The following GALNT3 variants were observed in gnomAD, a reference collection of about 807,000 sequenced individuals.
GALNT3 encodes polypeptide N-acetylgalactosaminyltransferase 3, also known as GalNAc transferase 3.
A neutral mutation model predicts 69.8 loss-of-function variants in GALNT3; 51 were observed. The ratio of observed to expected loss-of-function variants is 0.73; its 90% confidence interval spans 0.58 to 0.92. GALNT3 has a LOEUF of 0.92. Ranked by LOEUF, GALNT3 falls within the 40% of genes least tolerant of loss-of-function variation. The pLI is 0.00. For synonymous variants in GALNT3, 265 were observed against 248.5 expected (o/e 1.07, Z -0.63); for missense variants, 711 against 760.0 (o/e 0.94, Z 0.76).
At chr2:165,771,873 G>A (rs1042104978) in intron 1 of GALNT3, among the ~76,000 whole-genome samples, 1 of 152,144 alleles carries the variant, frequency 6.6e-6, no homozygotes, top group Non-Finnish European at 1.5e-5. Flanking sequence ...GGATTCTCTG[G>A]CTTTTGGCAG....
At chr2:165,793,038 G>T (rs1196923702) in intron 1 of GALNT3, among the ~76,000 whole-genome samples, 1 of 152,146 alleles carries the variant, frequency 6.6e-6, no homozygotes, top group African/African-American at 2.4e-5. Context: ...ACTCGATGGG[G>T]TTCTTAAAAC....
intron 1 of GALNT3, among the ~76,000 whole-genome samples, chr2:165,780,301 C>A (rs1683074983): frequency 6.6e-6 from 1 of 152,168 alleles, no homozygotes; most frequent in South Asian, 2.1e-4. Context: ...GATACAAATT[C>A]TTTCAGGGTC....
intron 1 of GALNT3, among the ~76,000 whole-genome samples, chr2:165,784,730 C>A (rs946210870): frequency 6.6e-6 from 1 of 152,034 alleles, no homozygotes; most frequent in Non-Finnish European, 1.5e-5. Flanking sequence ...CAGTGGTAGA[C>A]CTAGAACTCA....
At chr2:165,777,900 G>A (rs559694749) in intron 1 of GALNT3, among the ~76,000 whole-genome samples, 5 of 152,274 alleles carry the variant, frequency 3.3e-5, no homozygotes, top group African/African-American at 1.2e-4. Context: ...ATATCTGCAG[G>A]CTGTGAGACA....
Position 165,762,064 on chromosome 2 carries a change from A to G in GALNT3, c.689-10T>C, listed in dbSNP as rs769811624. The G allele has an allele frequency of 3.3e-6, 5 of 1,516,950 alleles. No individual in the cohort carries two copies. Among genetic ancestry groups the G allele is most frequent in the Non-Finnish European group, 4.6e-6 (5 of 1,093,126 alleles). The allele number at this position is 1,516,950 out of a possible 1,614,324, so 94.0% of individuals were successfully genotyped here. A position where few individuals can be genotyped will look rare whatever the true frequency, so the allele number is the denominator to read the frequency against. ...TTATCATGTAAGTACTCTGTAAGGA[A>G]AAAAAATCAGGGTTAATTCTTTCTA... is the stretch of plus-strand genomic sequence containing the variant. On this transcript the variant is annotated splice_polypyrimidine_tract_variant and intron_variant, in intron 3 of 10. Coordinates refer to ENST00000392701, the MANE Select transcript of GALNT3 (RefSeq NM_004482.4).
At chr2:165,793,933 C>A (rs984094178) in intron 1 of GALNT3, 82 bp downstream of exon 1, 2 of 153,012 alleles carry the variant, frequency 1.3e-5, no homozygotes, top group Non-Finnish European at 2.9e-5. Context: ...GTCCCCAACA[C>A]GTGAACCCCT....
Position 165,768,269 on chromosome 2 carries a change from G to A in GALNT3, c.515+1917C>T, listed in dbSNP as rs1412813255. ...CTTACTTGTTTTTCACTTACTTAGC[G>A]ATTAACATTATTGAAAATTATTGCA... is the stretch of plus-strand genomic sequence containing the variant. On this transcript the variant is annotated intron_variant, in intron 2 of 10. Transcript: ENST00000392701. 3.3e-5 allele frequency among the ~76,000 whole-genome samples: 5 copies of A among 152,128 alleles called. No individual in the cohort carries two copies. In the South Asian group the frequency reaches 8.3e-4, roughly 25 times the overall value.
intron 2 of GALNT3, 133 bp downstream of exon 2, chr2:165,770,053 C>A (rs1330193579): frequency 2.1e-5 from 21 of 985,552 alleles, no homozygotes; most frequent in Non-Finnish European, 3.3e-5. Context: ...ATAAATACAA[C>A]AGGTTAAATA....
At chr2:165,749,656 A>G in intron 10 of GALNT3, 86 bp downstream of exon 10, 1 of 1,117,646 alleles carries the variant, frequency 8.9e-7, no homozygotes, top group East Asian at 2.3e-5. Context: ...GATAATATTA[A>G]TGTACCATGT....
rs1196352321 is a variant in GALNT3 at position 165,748,912 on chromosome 2, A to G, written c.1780-9T>C. On this transcript the variant is annotated splice_polypyrimidine_tract_variant and intron_variant, in intron 10 of 10. Coordinates refer to ENST00000392701, the MANE Select transcript of GALNT3 (RefSeq NM_004482.4). Reference sequence around the variant, plus strand: ...TTGTATAGAAGTTGATCCTAGAATAAAAGGAAACAACAGACATTAAATTCC... The same window carrying G: ...TTGTATAGAAGTTGATCCTAGAATAGAAGGAAACAACAGACATTAAATTCC... 1.2e-6 allele frequency: 2 copies of G among 1,606,876 alleles called. No individual in the cohort carries two copies. Among genetic ancestry groups the G allele is most frequent in the African/African-American group, 2.7e-5 (2 of 74,708 alleles).
chr2:165,761,602 C>A (rs370336699), intron 4 of GALNT3, among the ~76,000 whole-genome samples: 24 of 127,620 alleles, frequency 1.9e-4, no homozygotes, highest in South Asian at 5.7e-4. Context: ...TTTTTTTTAA[C>A]AGAAAAGAAA....
Position 165,748,741 on chromosome 2 carries a change from GA to G in GALNT3, c.*39del, listed in dbSNP as rs745692359. On this transcript the variant is annotated 3_prime_UTR_variant, in exon 11 of 11. Transcript: ENST00000392701. Reference sequence around the variant, plus strand: ...TGTATGCCTAGTCACAGTTTTATGAGAAAGAATATTTCCTTTTTCAACTTAA... The same window carrying G: ...TGTATGCCTAGTCACAGTTTTATGAGAAGAATATTTCCTTTTTCAACTTAA... 1 of 1,567,346 alleles carries G rather than the reference GA, an allele frequency of 6.4e-7. No individual in the cohort carries two copies. Among genetic ancestry groups the G allele is most frequent in the East Asian group, 2.2e-5 (1 of 44,460 alleles).
intron 1 of GALNT3, among the ~76,000 whole-genome samples, chr2:165,776,119 C>A (rs1688841948): frequency 6.6e-6 from 1 of 151,930 alleles, no homozygotes; most frequent in Non-Finnish European, 1.5e-5. Flanking sequence ...AAAATTGATA[C>A]CTGAACAATA....
intron 1 of GALNT3, among the ~76,000 whole-genome samples, chr2:165,780,760 T>C (rs757100674): frequency 6.6e-5 from 10 of 151,740 alleles, no homozygotes; most frequent in Non-Finnish European, 1.3e-4. Context: ...GCCATTAGAG[T>C]TGCTACCAAA....
At chr2:165,748,971 A>C in intron 10 of GALNT3, 68 bp from the exon 11 acceptor site, 11 of 1,486,602 alleles carry the variant, frequency 7.4e-6, no homozygotes, top group Admixed American at 1.8e-5. Flanking sequence ...TATGAAAAAG[A>C]TTTTATGGTT....
intron 3 of GALNT3, among the ~76,000 whole-genome samples, chr2:165,764,416 T>C (rs1688602980): frequency 6.6e-6 from 1 of 152,226 alleles, no homozygotes; most frequent in Non-Finnish European, 1.5e-5. Context: ...TTATAATCAA[T>C]GGCATGTTAA....
chr2:165,763,836 C>A (rs1688592271), intron 3 of GALNT3, among the ~76,000 whole-genome samples: 3 of 152,242 alleles, frequency 2.0e-5, no homozygotes, highest in Non-Finnish European at 4.4e-5. Flanking sequence ...AAATCAGATG[C>A]CCTGATTTCA....
chr2:165,770,386 T>C lies in GALNT3; in HGVS notation c.315A>G (p.Ala105=). Residue 105 remains alanine (A), a synonymous_variant, in exon 2 of 11, where the codon GCA becomes GCG. Coordinates refer to ENST00000392701, the MANE Select transcript of GALNT3 (RefSeq NM_004482.4). ...GACGGTCAAGGACAGGCTTCAATTC[T>C]GCTGCTGTATAATATCCTTGCAAAC... ...RPCLQGYYTA[A]ELKPVLDRPP... is the part of the protein sequence containing the mutation. The C allele has an allele frequency of 6.2e-7, 1 of 1,614,254 alleles. No individual in the cohort carries two copies. Among genetic ancestry groups the C allele is most frequent in the Admixed American group, 1.7e-5 (1 of 60,024 alleles).
At chr2:165,762,390 C>G (rs1688567475) in intron 3 of GALNT3, among the ~76,000 whole-genome samples, 1 of 152,152 alleles carries the variant, frequency 6.6e-6, no homozygotes, top group African/African-American at 2.4e-5. Context: ...TCTGAGAAGA[C>G]TGACTACAAG....
Sources: gnomAD v4.1 joint callset for allele counts (sites outside exome capture counted in the v4.1 genomes callset) on GRCh38, gnomAD v4.1.1 for gene constraint, MANE v1.5 for transcripts, NCBI Gene and HGNC (gene_info 2026-07-23, HGNC 2026-07-21) for gene names.